The following BNC2 variants were observed in gnomAD, a reference collection of about 807,000 sequenced individuals.
BNC2 encodes basonuclin zinc finger protein 2, also known as zinc finger protein basonuclin-2.
In BNC2, 20 loss-of-function variants were observed where a neutral mutation model predicts 76.3. That is an observed-to-expected ratio of 0.26 (90% confidence interval 0.18 to 0.38). BNC2 has a LOEUF of 0.38. BNC2 is among the 10% of genes least tolerant of loss of function. The pLI is 1.00. For synonymous variants in BNC2, 582 were observed against 514.8 expected, an observed-to-expected ratio of 1.13 and a Z score of -1.77; for missense variants, 1,382 against 1,399.8, an observed-to-expected ratio of 0.99 and a Z score of 0.20.
intron 3 of BNC2, among the ~76,000 whole-genome samples, chr9:16,663,559 T>C (rs144671089): frequency 6.6e-6 from 1 of 152,352 alleles, no homozygotes; most frequent in African/African-American, 2.4e-5. Context: ...AATATTATGA[T>C]ATTCTTGGTA....
At chr9:16,479,073 G>A (rs956155542) in intron 5 of BNC2, among the ~76,000 whole-genome samples, 5 of 152,076 alleles carry the variant, frequency 3.3e-5, no homozygotes, top group Admixed American at 1.3e-4. Flanking sequence ...TCAACATGGT[G>A]AAACCCTGTC....
chr9:16,677,083 A>T (rs1206367478), intron 3 of BNC2, among the ~76,000 whole-genome samples: 1 of 152,174 alleles, frequency 6.6e-6, no homozygotes, highest in African/African-American at 2.4e-5. Flanking sequence ...TTCAGAAAAA[A>T]ATTCTGTCTA....
chr9:16,864,719 C>G (rs1053194579), intron 1 of BNC2, among the ~76,000 whole-genome samples: 1 of 152,168 alleles, frequency 6.6e-6, no homozygotes, highest in Non-Finnish European at 1.5e-5. Context: ...GCAGCATGCA[C>G]GACAATAGTC....
intron 6 of BNC2, among the ~76,000 whole-genome samples, chr9:16,427,024 G>A (rs998478589): frequency 3.3e-5 from 5 of 152,156 alleles, no homozygotes; most frequent in African/African-American, 1.2e-4. Flanking sequence ...TCACTTTGAA[G>A]CAAGAAGCAT....
intron 2 of BNC2, among the ~76,000 whole-genome samples, chr9:16,732,157 C>CAAAAAA (rs143619331): frequency 2.3e-5 from 1 of 43,906 alleles, no homozygotes; most frequent in Admixed American, 2.6e-4. Flanking sequence ...CCATTTCCTG[C>CAAAAAA]AAAAAAAAAA....
chr9:16,696,360 T>C (rs1424651794), intron 3 of BNC2, among the ~76,000 whole-genome samples: 1 of 152,222 alleles, frequency 6.6e-6, no homozygotes, highest in Non-Finnish European at 1.5e-5. Flanking sequence ...GTCTCTTGCA[T>C]ACTGATTTGG....
intron 3 of BNC2, among the ~76,000 whole-genome samples, chr9:16,672,436 G>A (rs1822506964): frequency 6.6e-6 from 1 of 152,170 alleles, no homozygotes; most frequent in African/African-American, 2.4e-5. Context: ...GGCAGAGTTT[G>A]CAGTGAGCAG....
intron 5 of BNC2, among the ~76,000 whole-genome samples, chr9:16,513,916 C>T (rs1480752551): frequency 6.6e-6 from 1 of 152,130 alleles, no homozygotes; most frequent in Non-Finnish European, 1.5e-5. Context: ...TTCCACCCTA[C>T]GCTCGTGTTT....
At chr9:16,664,215 T>C (rs74985100) in intron 3 of BNC2, among the ~76,000 whole-genome samples, 240 of 152,324 alleles carry the variant, frequency 1.6e-3, no homozygotes, top group African/African-American at 5.5e-3. Flanking sequence ...CTCCACGTTA[T>C]TGATTTCCTA....
intron 5 of BNC2, among the ~76,000 whole-genome samples, chr9:16,550,683 G>A (rs1051377465): frequency 6.6e-6 from 1 of 152,180 alleles, no homozygotes; most frequent in Non-Finnish European, 1.5e-5. Flanking sequence ...GTATACAGGT[G>A]TAAGTATCTT....
In BNC2 at chr9:16,857,633, T is replaced by C. The variant is rs550278155; in HGVS notation, c.3+13013A>G. Among the ~76,000 whole-genome samples, 7 of 152,208 alleles carry C rather than the reference T, an allele frequency of 4.6e-5. No individual in the cohort carries two copies. In the South Asian group the frequency reaches 1.2e-3, roughly 27 times the overall value. On this transcript the variant is annotated intron_variant, in intron 1 of 6. Transcript: ENST00000380672. ...TACTCTTTATGTACGTAAACACTTATGATGAAAAAATGCACACTCGCTTTG... is the reference window on the plus strand; with the variant it reads ...TACTCTTTATGTACGTAAACACTTACGATGAAAAAATGCACACTCGCTTTG...
intron 4 of BNC2, among the ~76,000 whole-genome samples, chr9:16,557,073 G>C (rs189779096): frequency 3.3e-5 from 5 of 152,238 alleles, no homozygotes; most frequent in Admixed American, 1.3e-4. Flanking sequence ...ATATGAGTTA[G>C]GCCAATGGCG....
intron 1 of BNC2, among the ~76,000 whole-genome samples, chr9:16,821,623 T>A (rs577341565): frequency 6.6e-6 from 1 of 152,124 alleles, no homozygotes. Flanking sequence ...ACTGTAGAAG[T>A]TGCAAGGAGC....
chr9:16,664,845 T>C (rs1297651195), intron 3 of BNC2, among the ~76,000 whole-genome samples: 2 of 143,666 alleles, frequency 1.4e-5, no homozygotes, highest in Non-Finnish European at 3.0e-5. Flanking sequence ...ACGTGAAATG[T>C]GAGCACCAGA....
In BNC2 at chr9:16,419,474, C is replaced by A. The variant is rs140165119; in HGVS notation, c.2815G>T (p.Ala939Ser). ...LDVREDASSP[A>S]GTEDSHLNGY... ...TTCAGGTGGGAGTCTTCAGTCCCTG[C>A]GGGAGAGGAGGCGTCTTCCCTGACA... The change falls in exon 7 of 7, where the codon GCA (alanine) becomes TCA (serine). Residue 939 changes from alanine (A) to serine (S), a missense_variant. By Grantham distance (99) the Ala-to-Ser change is moderately conservative (BLOSUM62 1). Transcript: ENST00000380672. 2 of 1,613,908 alleles carry A rather than the reference C, an allele frequency of 1.2e-6. No homozygotes were observed. Among genetic ancestry groups the A allele is most frequent in the South Asian group, 2.2e-5 (2 of 91,050 alleles).
intron 3 of BNC2, among the ~76,000 whole-genome samples, chr9:16,669,660 C>T (rs1269516385): frequency 6.6e-6 from 1 of 152,184 alleles, no homozygotes; most frequent in Admixed American, 6.5e-5. Context: ...CTATGTTATG[C>T]ATTGGCAAGG....
At chr9:16,834,649 A>G (rs1818661311) in intron 1 of BNC2, among the ~76,000 whole-genome samples, 1 of 152,184 alleles carries the variant, frequency 6.6e-6, no homozygotes, top group Non-Finnish European at 1.5e-5. Flanking sequence ...TTTTTGCCTG[A>G]TTATCTAATA....
At chr9:16,598,122 A>G (rs1276194849) in intron 3 of BNC2, among the ~76,000 whole-genome samples, 1 of 152,196 alleles carries the variant, frequency 6.6e-6, no homozygotes, top group South Asian at 2.1e-4. Context: ...CGTGCTAGAC[A>G]CTTTACATTT....
intron 3 of BNC2, among the ~76,000 whole-genome samples, chr9:16,593,118 C>T (rs766382808): frequency 3.3e-5 from 5 of 151,536 alleles, no homozygotes; most frequent in Non-Finnish European, 5.9e-5. Context: ...ATGCTGAATT[C>T]TGTCATGTAT....
Sources: gnomAD v4.1 joint callset for allele counts (sites outside exome capture counted in the v4.1 genomes callset) on GRCh38, gnomAD v4.1.1 for gene constraint, MANE v1.5 for transcripts, NCBI Gene and HGNC (gene_info 2026-07-23, HGNC 2026-07-21) for gene names.